The following RAP1GAP2 variants were observed in gnomAD, a reference collection of about 807,000 sequenced individuals.
RAP1GAP2 encodes the protein RAP1 GTPase activating protein 2.
In RAP1GAP2, 27 loss-of-function variants were observed where a neutral mutation model predicts 95.0. That is an observed-to-expected ratio of 0.28 (90% CI 0.21 to 0.39). The LOEUF is 0.39. Among genes scored for constraint, RAP1GAP2 ranks in the 10% least tolerant of loss-of-function variants. The pLI, the probability that RAP1GAP2 is intolerant of heterozygous loss-of-function variation, is 1.00. For synonymous variants in RAP1GAP2, 373 were observed against 380.9 expected (o/e 0.98, Z 0.24); for missense variants, 771 against 970.0 (o/e 0.79, Z 2.72).
upstream of RAP1GAP2, among the ~76,000 whole-genome samples, chr17:2,794,752 C>T (rs1458538319): frequency 2.6e-5 from 4 of 152,158 alleles, no homozygotes; most frequent in African/African-American, 9.7e-5. Flanking sequence ...GGGTTGGCCC[C>T]TGGCACCTCA....
At chr17:2,791,851 TTCTC>T (rs1219362364), upstream of RAP1GAP2, among the ~76,000 whole-genome samples, 1 of 151,232 alleles carries the variant, frequency 6.6e-6, no homozygotes, top group South Asian at 2.1e-4. Context: ...CGCTTCCCTT[TTCTC>T]TCTTTTTTTT....
At chr17:2,876,346 T>C (rs560142426) in intron 2 of RAP1GAP2, among the ~76,000 whole-genome samples, 1 of 152,174 alleles carries the variant, frequency 6.6e-6, no homozygotes, top group South Asian at 2.1e-4. Flanking sequence ...CGAGAACAAG[T>C]GCCCAAGGTG....
intron 12 of RAP1GAP2, among the ~76,000 whole-genome samples, chr17:2,993,239 G>T (rs1254406773): frequency 6.7e-6 from 1 of 148,928 alleles, no homozygotes; most frequent in Non-Finnish European, 1.5e-5. Context: ...AAAAAAGGAG[G>T]TAAAGATAGT....
At chr17:3,011,975 C>G (rs1007619834) in intron 17 of RAP1GAP2, among the ~76,000 whole-genome samples, 1 of 152,156 alleles carries the variant, frequency 6.6e-6, no homozygotes, top group African/African-American at 2.4e-5. Context: ...ATCCCCAGGG[C>G]TGAAAGCCAT....
At chr17:2,830,193 C>T (rs1182361830) in intron 2 of RAP1GAP2, among the ~76,000 whole-genome samples, 3 of 151,440 alleles carry the variant, frequency 2.0e-5, no homozygotes, top group African/African-American at 7.3e-5. Flanking sequence ...GGGCGGATCA[C>T]TTGAGGTCAG....
At chr17:2,907,455 A>G (rs1024967171) in intron 3 of RAP1GAP2, among the ~76,000 whole-genome samples, 2 of 152,122 alleles carry the variant, frequency 1.3e-5, no homozygotes, top group African/African-American at 4.8e-5. Context: ...CTAGCTAGGG[A>G]GCCAAAAATG....
chr17:2,819,156 C>T (rs987450365), intron 2 of RAP1GAP2, among the ~76,000 whole-genome samples: 3 of 151,364 alleles, frequency 2.0e-5, no homozygotes, highest in Non-Finnish European at 4.4e-5. Flanking sequence ...GTACCTGGGA[C>T]TACAGGCGCC....
Position 3,003,591 on chromosome 17 carries a change from C to T in RAP1GAP2, c.1201-1778C>T, listed in dbSNP as rs1257287749. On this transcript the variant is annotated intron_variant, in intron 14 of 24. Transcript: ENST00000254695. This position sits in a 1 kb window ranked among gnomAD's most constrained non-coding sequence, Gnocchi z 4.1. ...TTGAAGCTTTCTGAGGTTCCCAGTGCATCCTCATGACCCACACCAAGCTCC... is the reference window on the plus strand; with the variant it reads ...TTGAAGCTTTCTGAGGTTCCCAGTGTATCCTCATGACCCACACCAAGCTCC... 6.6e-6 allele frequency among the ~76,000 whole-genome samples: 1 copy of T among 152,232 alleles called. No individual in the cohort carries two copies. Among genetic ancestry groups the T allele is most frequent in the Non-Finnish European group, 1.5e-5 (1 of 68,046 alleles).
chr17:2,960,523 C>T (rs999457981), intron 4 of RAP1GAP2, among the ~76,000 whole-genome samples: 1 of 152,240 alleles, frequency 6.6e-6, no homozygotes, highest in Non-Finnish European at 1.5e-5. Context: ...CATGTCAATC[C>T]ACCCAGTTAA....
chr17:2,956,615 C>T (rs369646962), intron 3 of RAP1GAP2, among the ~76,000 whole-genome samples: 9 of 152,332 alleles, frequency 5.9e-5, no homozygotes, highest in African/African-American at 7.2e-5. Context: ...CTCCCGGCTT[C>T]GCGGTGCCCA....
At chr17:2,999,218 C>T (rs2046072142) in intron 14 of RAP1GAP2, among the ~76,000 whole-genome samples, 1 of 152,184 alleles carries the variant, frequency 6.6e-6, no homozygotes, top group Admixed American at 6.5e-5. Flanking sequence ...TCTGACCCTC[C>T]CTCCTCTGCT....
At chr17:2,908,800 G>A (rs764687489) in intron 3 of RAP1GAP2, among the ~76,000 whole-genome samples, 1 of 151,954 alleles carries the variant, frequency 6.6e-6, no homozygotes, top group Non-Finnish European at 1.5e-5. Context: ...CTGCAACCTC[G>A]GGCTCAAGGA....
chr17:2,879,293 C>A (rs1024656964), intron 2 of RAP1GAP2, among the ~76,000 whole-genome samples: 1 of 151,956 alleles, frequency 6.6e-6, no homozygotes, highest in African/African-American at 2.4e-5. Context: ...TTTTTGTAAA[C>A]TTAGTAGAGC....
At chr17:2,978,730 T>A (rs906046755) in intron 8 of RAP1GAP2, among the ~76,000 whole-genome samples, 13 of 152,024 alleles carry the variant, frequency 8.6e-5, no homozygotes, top group Non-Finnish European at 1.6e-4. Flanking sequence ...GGTCAGGAAT[T>A]CGAGACCAGC....
chr17:2,934,938 G>A (rs546479180), intron 3 of RAP1GAP2, among the ~76,000 whole-genome samples: 4 of 152,292 alleles, frequency 2.6e-5, no homozygotes, highest in South Asian at 2.1e-4. Context: ...CTCGAGTGCC[G>A]TGGGAATTCC....
chr17:2,795,666 T>A (rs538899927), upstream of RAP1GAP2, among the ~76,000 whole-genome samples: 3 of 152,158 alleles, frequency 2.0e-5, no homozygotes, highest in African/African-American at 7.2e-5. Context: ...TGCAGTGTGA[T>A]GTGGTCTGAG....
intron 2 of RAP1GAP2, among the ~76,000 whole-genome samples, chr17:2,875,282 G>T (rs891920306): frequency 2.0e-5 from 3 of 152,124 alleles, no homozygotes; most frequent in African/African-American, 7.2e-5. Context: ...GGCCAGGCTG[G>T]TCTCGAACTC....
chr17:2,850,415 G>A (rs1422633007), intron 2 of RAP1GAP2, among the ~76,000 whole-genome samples: 2 of 151,930 alleles, frequency 1.3e-5, no homozygotes, highest in Admixed American at 1.3e-4. Flanking sequence ...AAGTGATAAT[G>A]GATTTTCATT....
At chr17:2,785,936 T>C (rs1267898605) in intron 1 of RAP1GAP2, among the ~76,000 whole-genome samples, 1 of 148,890 alleles carries the variant, frequency 6.7e-6, no homozygotes, top group Non-Finnish European at 1.5e-5. Flanking sequence ...AGATTTGCTC[T>C]TGTTGCCCAG....
Sources: gnomAD v4.1 joint callset for allele counts (sites outside exome capture counted in the v4.1 genomes callset) on GRCh38, gnomAD v4.1.1 for gene constraint, Gnocchi (gnomAD v3.1) non-coding constraint, MANE v1.5 for transcripts, NCBI Gene and HGNC (gene_info 2026-07-23, HGNC 2026-07-21) for gene names.